ZNF469: variants seen among roughly 807,000 people sequenced by gnomAD.
ZNF469 encodes the protein zinc finger protein 469.
A neutral mutation model predicts 1.0 loss-of-function variants in ZNF469; 1 was observed. That is an observed-to-expected ratio of 1.00 (90% CI 0.35 to 4.73). ZNF469 has a LOEUF of 4.73. Ranked by LOEUF, ZNF469 falls within the 30% of genes most tolerant of loss-of-function variation. The pLI, the probability that ZNF469 is intolerant of heterozygous loss-of-function variation, is 0.16. For missense variants in ZNF469, 6,100 were observed against 5,356.3 expected, an observed-to-expected ratio of 1.14 and a Z score of -4.33; for synonymous variants, 2,703 against 2,363.4, an observed-to-expected ratio of 1.14 and a Z score of -4.17.
intron 1 of ZNF469, among the ~76,000 whole-genome samples, chr16:88,392,029 C>T (rs1041060872): frequency 1.2e-4 from 18 of 152,200 alleles, no homozygotes; most frequent in South Asian, 1.0e-3. Flanking sequence ...TAACATCATA[C>T]AATATCTTAT....
the ZNF469 span, among the ~76,000 whole-genome samples, chr16:88,293,902 G>A: frequency 6.6e-6 from 1 of 152,198 alleles, no homozygotes; most frequent in Admixed American, 6.5e-5. Context: ...TAAGGCACAA[G>A]CAGGCTAAGT....
chr16:88,166,682 T>C, the ZNF469 span, among the ~76,000 whole-genome samples: 18 of 151,906 alleles, frequency 1.2e-4, no homozygotes, highest in Non-Finnish European at 4.4e-5. The surrounding 1 kb of genome is among the most constrained non-coding windows in gnomAD (Gnocchi z 4.5). Flanking sequence ...ATAGCGCCAC[T>C]GGGTGAGGCG....
At chr16:88,282,082 G>T in the ZNF469 span, among the ~76,000 whole-genome samples, 2 of 152,332 alleles carry the variant, frequency 1.3e-5, no homozygotes, top group South Asian at 2.1e-4. Context: ...AGCTGGCATT[G>T]GTGTATAGTG....
the ZNF469 span, among the ~76,000 whole-genome samples, chr16:88,228,211 G>A: frequency 3.3e-5 from 5 of 152,260 alleles, no homozygotes; most frequent in Non-Finnish European, 5.9e-5. Context: ...GGAGGGTGTG[G>A]GCTGTGGAGC....
chr16:88,176,139 C>T, the ZNF469 span, among the ~76,000 whole-genome samples: 1 of 151,482 alleles, frequency 6.6e-6, no homozygotes. Context: ...GGACGTCTGG[C>T]ACCCTGCACC....
the ZNF469 span, among the ~76,000 whole-genome samples, chr16:88,132,241 G>A: frequency 6.6e-5 from 10 of 152,234 alleles, no homozygotes; most frequent in East Asian, 1.2e-3. Flanking sequence ...TCCGACGCCC[G>A]CCTTCCTGCA....
At chr16:88,315,072 C>T in the ZNF469 span, among the ~76,000 whole-genome samples, 5 of 152,238 alleles carry the variant, frequency 3.3e-5, no homozygotes, top group African/African-American at 2.4e-5. Context: ...GAAGTGTCCT[C>T]CTCGATCTGA....
chr16:88,405,984 TTTTGGG>T (rs1393997481), intron 1 of ZNF469, among the ~76,000 whole-genome samples: 10 of 152,178 alleles, frequency 6.6e-5, no homozygotes, highest in Non-Finnish European at 1.5e-4. Context: ...GCTGAATTGC[TTTTGGG>T]GACTTTGAAG....
rs1019490133 is a variant in ZNF469, at chr16:88,428,262, C to G, written c.792C>G (p.Pro264=). 13 of 1,550,352 alleles carry G rather than the reference C, an allele frequency of 8.4e-6. No individual in the cohort carries two copies. Among genetic ancestry groups the G allele is most frequent in the Non-Finnish European group, 1.1e-5 (13 of 1,146,930 alleles). ...AACCTATTCCCAAAGGCAGCAGGCC[C>G]GGCGGCAGCCCCAGGGGAGTTTCCT... ...EPEPIPKGSR[P]GGSPRGVSFQ... The change falls in exon 3 of 3, where the codon CCC becomes CCG. Residue 264 remains proline (P), a synonymous_variant. Transcript: ENST00000565624.
chr16:88,118,952 C>G, the ZNF469 span, among the ~76,000 whole-genome samples: 1 of 152,176 alleles, frequency 6.6e-6, no homozygotes, highest in African/African-American at 2.4e-5. Context: ...TTCCACTGCT[C>G]TCACTTTTCT....
the ZNF469 span, among the ~76,000 whole-genome samples, chr16:88,246,824 ATGAG>A: frequency 1.5e-3 from 230 of 152,054 alleles, no homozygotes; most frequent in African/African-American, 5.0e-3. Flanking sequence ...TGAATGGTGA[ATGAG>A]TGAGTGAATG....
the ZNF469 span, among the ~76,000 whole-genome samples, chr16:88,321,941 C>T: frequency 2.0e-5 from 3 of 152,212 alleles, no homozygotes; most frequent in Non-Finnish European, 4.4e-5. Context: ...TCAGTGGCCA[C>T]AGGATGCTGC....
the ZNF469 span, among the ~76,000 whole-genome samples, chr16:88,270,862 C>A: frequency 4.9e-4 from 75 of 152,368 alleles, no homozygotes; most frequent in African/African-American, 1.8e-3. Flanking sequence ...GCTTGAGCCT[C>A]CACCCATTTA....
chr16:88,251,536 GTCTTTTTTTTTTTTTTTTT>G, the ZNF469 span, among the ~76,000 whole-genome samples: 100 of 78,806 alleles, frequency 1.3e-3, 7 homozygotes, highest in Middle Eastern at 0.016. Context: ...TGTCCCTGCT[GTCTTTTTTTTTTTTTTTTT>G]TTTTTTTTTT....
the ZNF469 span, among the ~76,000 whole-genome samples, chr16:88,316,425 C>T: frequency 6.6e-6 from 1 of 152,068 alleles, no homozygotes; most frequent in Non-Finnish European, 1.5e-5. Context: ...ACACTCCTTC[C>T]GGGGTTTTCA....
the ZNF469 span, among the ~76,000 whole-genome samples, chr16:88,156,091 G>C: frequency 6.6e-6 from 1 of 152,102 alleles, no homozygotes; most frequent in Non-Finnish European, 1.5e-5. Flanking sequence ...ATATTAATCA[G>C]GTTATCTGTC....
chr16:88,371,223 C>T, the ZNF469 span, among the ~76,000 whole-genome samples: 1 of 152,242 alleles, frequency 6.6e-6, no homozygotes, highest in African/African-American at 2.4e-5. Context: ...GAGAAACCAG[C>T]CTGATCTCTT....
At position 88,412,025 on chromosome 16, in the gene ZNF469, C is replaced by T. The variant is rs576170075; in HGVS notation, c.-191-12782C>T. 0.034 allele frequency among the ~76,000 whole-genome samples: 10 copies of T among 292 alleles called. No individual in the cohort carries two copies. In the East Asian group the frequency reaches 0.5, roughly 15 times the overall value. 0.2% of individuals were successfully genotyped at this position (292 alleles called of 152,430 possible). On this transcript the variant is annotated intron_variant, in intron 1 of 2. Transcript: ENST00000565624. The stretch of plus-strand genomic sequence containing the variant: ...TGGGGTCCCAAGACCCTGTTGGTCT[C>T]GCCTCTGTCTCCTGCCAGAGCCGAG...
rs549031654 is a variant in ZNF469 at position 88,438,026 on chromosome 16, C to G, written c.10556C>G (p.Thr3519Ser). Residue 3519 changes from threonine to serine, a missense_variant, in exon 3 of 3, where the codon ACC becomes AGC. Transcript: ENST00000565624. ...CTGTGTTCGGAGGTGGCTCCCAGCA[C>G]CACCAAGGGATGGCCCGAGACCCTA... ...LHLCSEVAPS[T>S]TKGWPETLER... 1.3e-6 allele frequency: 2 copies of G among 1,549,970 alleles called. No homozygotes were observed. Among genetic ancestry groups the G allele is most frequent in the African/African-American group, 1.4e-5 (1 of 73,048 alleles).
Sources: allele counts gnomAD v4.1 joint callset (sites outside exome capture counted in the v4.1 genomes callset), GRCh38; gene constraint gnomAD v4.1.1; non-coding constraint Gnocchi (gnomAD v3.1); transcripts MANE v1.5; gene names NCBI Gene and HGNC (gene_info 2026-07-23, HGNC 2026-07-21).